Variants in ESRRG observed in about 807,000 individuals in gnomAD.
ESRRG encodes estrogen related receptor gamma.
Under a neutral mutation model 44.0 loss-of-function variants are expected in ESRRG, and 13 were observed. The observed-to-expected ratio is 0.30, with a 90% CI of 0.19 to 0.47. The LOEUF (loss-of-function observed/expected upper bound fraction) is 0.47, where lower values mean the gene tolerates loss of function less well. ESRRG is among the 20% of genes least tolerant of loss of function. The pLI is 1.00. For missense variants in ESRRG, 395 were observed against 580.6 expected (o/e 0.68, Z 3.29); for synonymous variants, 215 against 214.6 (o/e 1.00, Z -0.02).
chr1:216,910,180 T>C (rs1217666089), intron 2 of ESRRG, among the ~76,000 whole-genome samples: 1 of 151,946 alleles, frequency 6.6e-6, no homozygotes, highest in Non-Finnish European at 1.5e-5. Flanking sequence ...ATCCATTATA[T>C]TATTGCATGA....
chr1:216,518,077 GTCTCATC>G (rs1290357490), intron 6 of ESRRG, among the ~76,000 whole-genome samples: 1 of 152,106 alleles, frequency 6.6e-6, no homozygotes, highest in African/African-American at 2.4e-5. Flanking sequence ...TGGGCAGAAG[GTCTCATC>G]TCACTAGGAC....
chr1:216,561,937 A>G (rs1189167580), intron 5 of ESRRG, among the ~76,000 whole-genome samples: 1 of 152,114 alleles, frequency 6.6e-6, no homozygotes, highest in Non-Finnish European at 1.5e-5. Context: ...AATTGTTTCC[A>G]CCACTGGAAA....
chr1:216,811,704 C>T (rs560789960), intron 2 of ESRRG, among the ~76,000 whole-genome samples: 22 of 152,022 alleles, frequency 1.4e-4, no homozygotes, highest in African/African-American at 5.1e-4. Context: ...GAAAAGAACA[C>T]GCTAGAATAA....
chr1:217,006,313 C>T (rs2077730096), intron 1 of ESRRG, among the ~76,000 whole-genome samples: 2 of 152,102 alleles, frequency 1.3e-5, no homozygotes, highest in South Asian at 4.1e-4. Flanking sequence ...TGGTGTTAGG[C>T]TTATCTGAGT....
intron 1 of ESRRG, among the ~76,000 whole-genome samples, chr1:216,953,135 C>T (rs2067262848): frequency 6.6e-6 from 1 of 152,098 alleles, no homozygotes; most frequent in Non-Finnish European, 1.5e-5. Context: ...CAGGGGATGG[C>T]CTAGTTCCTC....
chr1:216,660,143 T>C (rs1011793240), intron 2 of ESRRG, among the ~76,000 whole-genome samples: 5 of 152,204 alleles, frequency 3.3e-5, no homozygotes, highest in African/African-American at 1.2e-4. Flanking sequence ...TTGTTTTATA[T>C]AGAAGACCAT....
At chr1:217,035,478 G>A (rs2082730318) in intron 1 of ESRRG, among the ~76,000 whole-genome samples, 1 of 151,972 alleles carries the variant, frequency 6.6e-6, no homozygotes, top group Non-Finnish European at 1.5e-5. Flanking sequence ...GTCAAAGGAG[G>A]CCTATTTTTT....
At chr1:216,783,956 C>T (rs544040002) in intron 2 of ESRRG, among the ~76,000 whole-genome samples, 1 of 152,178 alleles carries the variant, frequency 6.6e-6, no homozygotes, top group South Asian at 2.1e-4. Context: ...TCTGCAATAT[C>T]GATGGTTTCC....
At chr1:216,704,187 G>A (rs181484857) in intron 1 of ESRRG, among the ~76,000 whole-genome samples, 132 of 152,224 alleles carry the variant, frequency 8.7e-4, no homozygotes, top group African/African-American at 3.2e-3. Context: ...ACTGAATTGA[G>A]TCAAGTGGGA....
intron 1 of ESRRG, among the ~76,000 whole-genome samples, chr1:217,016,016 G>C (rs1356867323): frequency 6.6e-6 from 1 of 152,098 alleles, no homozygotes; most frequent in Non-Finnish European, 1.5e-5. Flanking sequence ...TGCCGAGAAA[G>C]TTTGTGTCGA....
At chr1:216,655,231 T>C (rs147104482) in intron 2 of ESRRG, among the ~76,000 whole-genome samples, 13 of 151,944 alleles carry the variant, frequency 8.6e-5, no homozygotes, top group African/African-American at 3.1e-4. Context: ...GAGCCAGGAG[T>C]TTTGTATTAC....
intron 5 of ESRRG, among the ~76,000 whole-genome samples, chr1:216,542,579 T>C (rs1274370748): frequency 6.6e-6 from 1 of 152,016 alleles, no homozygotes; most frequent in Non-Finnish European, 1.5e-5. Flanking sequence ...TATTATTTTG[T>C]AGCATTTGTT....
chr1:216,876,102 A>C (rs1446078841), intron 2 of ESRRG, among the ~76,000 whole-genome samples: 1 of 152,230 alleles, frequency 6.6e-6, no homozygotes, highest in East Asian at 1.9e-4. Context: ...AGAAATAAGA[A>C]AAGCCTTAAA....
At chr1:216,812,859 A>G (rs952806012) in intron 2 of ESRRG, among the ~76,000 whole-genome samples, 11 of 152,224 alleles carry the variant, frequency 7.2e-5, no homozygotes, top group African/African-American at 2.4e-4. Context: ...ACCAAAAAAC[A>G]TGAATTTAGG....
At chr1:216,960,413 C>T (rs17044557) in intron 1 of ESRRG, among the ~76,000 whole-genome samples, 6,769 of 152,204 alleles carry the variant, frequency 0.044, 357 homozygotes, top group African/African-American at 0.11. Flanking sequence ...GTGTGCATAT[C>T]ATTCCTTTGT....
intron 5 of ESRRG, among the ~76,000 whole-genome samples, chr1:216,541,430 T>C (rs752857673): frequency 1.3e-5 from 2 of 152,156 alleles, no homozygotes; most frequent in East Asian, 1.9e-4. Flanking sequence ...TGTTATCTCT[T>C]AGTCAATGGC....
chr1:216,542,954 T>C (rs139796888), intron 5 of ESRRG, among the ~76,000 whole-genome samples: 109 of 152,116 alleles, frequency 7.2e-4, no homozygotes, highest in African/African-American at 2.5e-3. Flanking sequence ...CATTTGAAAA[T>C]GTACAGCAGT....
intron 2 of ESRRG, among the ~76,000 whole-genome samples, chr1:216,774,088 G>A (rs571417058): frequency 6.6e-6 from 1 of 152,170 alleles, no homozygotes; most frequent in Admixed American, 6.5e-5. Flanking sequence ...AGGCCACATA[G>A]CTTAGGAGTG....
At chr1:216,982,999 T>G (rs2074225053) in intron 1 of ESRRG, among the ~76,000 whole-genome samples, 1 of 151,088 alleles carries the variant, frequency 6.6e-6, no homozygotes, top group African/African-American at 2.4e-5. Context: ...CCATCTGAAT[T>G]TGAAACCTGA....
Sources: gnomAD v4.1 joint callset for allele counts (sites outside exome capture counted in the v4.1 genomes callset) on GRCh38, gnomAD v4.1.1 for gene constraint, MANE v1.5 for transcripts, NCBI Gene and HGNC (gene_info 2026-07-23, HGNC 2026-07-21) for gene names.